Variants in CHD7 observed in about 807,000 individuals in gnomAD.
CHD7 encodes ATP-dependent chromatin remodeler CHD7.
In CHD7, 24 loss-of-function variants were observed where a neutral mutation model predicts 307.3. That is an observed-to-expected ratio of 0.08 (90% CI 0.06 to 0.11). CHD7 has a LOEUF of 0.11. Ranked by LOEUF, CHD7 falls within the 10% of genes least tolerant of loss-of-function variation. The probability of loss-of-function intolerance (pLI) is 1.00; values close to 1 mark genes in which losing one functional copy is unlikely to be tolerated. For synonymous variants in CHD7, 1,363 were observed against 1,349.9 expected (o/e 1.01, Z -0.21); for missense variants, 3,106 against 3,727.1 (o/e 0.83, Z 4.34).
intron 2 of CHD7, among the ~76,000 whole-genome samples, chr8:60,769,707 T>C (rs1239156246): frequency 2.6e-5 from 4 of 152,218 alleles, no homozygotes; most frequent in Non-Finnish European, 5.9e-5. Context: ...GATGGTGAAT[T>C]TTTACTAGTC....
intron 13 of CHD7, among the ~76,000 whole-genome samples, chr8:60,825,618 A>G (rs750917262): frequency 3.9e-4 from 59 of 152,234 alleles, no homozygotes; most frequent in Non-Finnish European, 7.3e-4. Context: ...TAACCTAAAT[A>G]TATATTCTCA....
At chr8:60,780,700 T>G (rs1236686093) in intron 2 of CHD7, among the ~76,000 whole-genome samples, 1 of 152,250 alleles carries the variant, frequency 6.6e-6, no homozygotes, top group African/African-American at 2.4e-5. Flanking sequence ...CATTTTCATG[T>G]AGGCTGTTTA....
At chr8:60,679,684 G>C (rs1326177650) in intron 1 of CHD7, 4 of 146,918 alleles carry the variant, frequency 2.7e-5, no homozygotes, top group Admixed American at 6.7e-5. Context: ...CCCCGCTCCG[G>C]ACCGACCACG....
intron 23 of CHD7, among the ~76,000 whole-genome samples, chr8:60,847,863 T>G (rs546457249): frequency 1.2e-4 from 18 of 152,178 alleles, no homozygotes; most frequent in Non-Finnish European, 2.5e-4. Context: ...CTACTACAGC[T>G]TAGGTTCCCA....
chr8:60,813,066 C>T (rs1268917585), intron 7 of CHD7, among the ~76,000 whole-genome samples: 3 of 152,114 alleles, frequency 2.0e-5, no homozygotes, highest in Non-Finnish European at 2.9e-5. Flanking sequence ...TGGTCCAGTT[C>T]TACTTTTGTG....
At chr8:60,768,821 G>T (rs558598329) in intron 2 of CHD7, among the ~76,000 whole-genome samples, 3 of 108,462 alleles carry the variant, frequency 2.8e-5, no homozygotes, top group Non-Finnish European at 5.7e-5. Flanking sequence ...GAATAATAAC[G>T]TTAAGCTACC....
chr8:60,696,486 A>G (rs1283762337), intron 1 of CHD7, among the ~76,000 whole-genome samples: 1 of 152,242 alleles, frequency 6.6e-6, no homozygotes, highest in African/African-American at 2.4e-5. Context: ...CAGCTGTGAC[A>G]TGGGAGCAGT....
chr8:60,845,470 A>G (rs937757143), intron 23 of CHD7, 61 bp downstream of exon 23: 5 of 1,539,704 alleles, frequency 3.2e-6, no homozygotes, highest in South Asian at 1.2e-5. Flanking sequence ...TAAAAAATAC[A>G]TGCAGCCGGC....
At chr8:60,789,361 A>T (rs1563602103) in intron 3 of CHD7, among the ~76,000 whole-genome samples, 1 of 152,360 alleles carries the variant, frequency 6.6e-6, no homozygotes, top group African/African-American at 2.4e-5. Context: ...TCTTTAAAAG[A>T]TTATAATGTA....
Position 60,856,030 on chromosome 8 carries a change from A to C in CHD7, c.6992A>C (p.Lys2331Thr). The change falls in exon 33 of 38, where the codon AAA becomes ACA. Residue 2331 changes from lysine to threonine, a missense_variant. Transcript: ENST00000423902. ...DNICEAVLKG[K>T]WPVNRRQMFD... ...ATCTGTGAAGCAGTGTTGAAAGGCA[A>C]ATGGCCAGTAAATAGGCGCCAGATG... 6.2e-7 allele frequency: 1 copy of C among 1,611,660 alleles called. No homozygotes were observed. Among genetic ancestry groups the C allele is most frequent in the Non-Finnish European group, 8.5e-7 (1 of 1,178,840 alleles).
At chr8:60,842,195 C>T in intron 21 of CHD7, 143 bp downstream of exon 21, 1 of 710,050 alleles carries the variant, frequency 1.4e-6, no homozygotes, top group Non-Finnish European at 2.3e-6. Context: ...AGTAACTTTA[C>T]AGGGCTTTGA....
chr8:60,694,329 A>C (rs1402960918), intron 1 of CHD7, among the ~76,000 whole-genome samples: 3 of 152,258 alleles, frequency 2.0e-5, no homozygotes, highest in Non-Finnish European at 4.4e-5. Flanking sequence ...ATGTGAGATT[A>C]TGGCTTTGCT....
chr8:60,794,478 T>A (rs1391481714), intron 3 of CHD7, among the ~76,000 whole-genome samples: 4 of 152,230 alleles, frequency 2.6e-5, no homozygotes, highest in African/African-American at 9.6e-5. Context: ...GAAATTGCTA[T>A]GTATTTTTAT....
intron 15 of CHD7, among the ~76,000 whole-genome samples, chr8:60,831,212 A>G (rs1240548239): frequency 6.6e-6 from 1 of 152,196 alleles, no homozygotes; most frequent in Non-Finnish European, 1.5e-5. Flanking sequence ...GATACTCTGG[A>G]GAATGCAAAG....
At chr8:60,829,269 C>G (rs1040237987) in intron 14 of CHD7, among the ~76,000 whole-genome samples, 3 of 152,210 alleles carry the variant, frequency 2.0e-5, no homozygotes, top group Non-Finnish European at 2.9e-5. Flanking sequence ...AACCACTGCA[C>G]AGTATTTCTG....
intron 3 of CHD7, among the ~76,000 whole-genome samples, chr8:60,791,196 G>A (rs1811756109): frequency 6.6e-6 from 1 of 152,158 alleles, no homozygotes; most frequent in African/African-American, 2.4e-5. Flanking sequence ...ATGCTGAGGT[G>A]GGAAATACAG....
At chr8:60,802,143 A>C (rs987286237) in intron 6 of CHD7, among the ~76,000 whole-genome samples, 1 of 152,216 alleles carries the variant, frequency 6.6e-6, no homozygotes, top group Non-Finnish European at 1.5e-5. Flanking sequence ...GAGTTATTCA[A>C]AGTTTCTGTT....
At position 60,862,721 on chromosome 8, in the gene CHD7, T is replaced by G. The variant is rs1806057949; in HGVS notation, c.8076+69T>G. The G allele has an allele frequency of 2.8e-6, 3 of 1,056,860 alleles. No homozygotes were observed. The Admixed American group carries it at 6.2e-5, about 22-fold the overall frequency. 65.5% of individuals were successfully genotyped at this position (1,056,860 alleles called of 1,614,324 possible). On this transcript the variant is annotated intron_variant, in intron 37 of 37. Coordinates refer to ENST00000423902, the MANE Select transcript of CHD7 (RefSeq NM_017780.4). Reference sequence around the variant, plus strand: ...AACTGTTTTCCTTAGTCTTTCTTATTTTCTGTTGGCCATTAATTATTCAGT... The same window carrying G: ...AACTGTTTTCCTTAGTCTTTCTTATGTTCTGTTGGCCATTAATTATTCAGT...
In CHD7 at chr8:60,740,951, G is replaced by A. The variant is rs74350073; in HGVS notation, c.-174-308G>A. 0.011 allele frequency among the ~76,000 whole-genome samples: 1,723 copies of A among 152,304 alleles called. 27 individuals are homozygous for A. Among genetic ancestry groups the A allele is most frequent in the Non-Finnish European group, 0.02 (1,330 of 68,018 alleles). Reference sequence around the variant, plus strand: ...GCTGTGGCAGCTGCTGCTGCTTCACGTTGTGTTCTTTTGTTCTGTTTCATC... The same window carrying A: ...GCTGTGGCAGCTGCTGCTGCTTCACATTGTGTTCTTTTGTTCTGTTTCATC... On this transcript the variant is annotated intron_variant, in intron 1 of 37. Coordinates refer to ENST00000423902, the MANE Select transcript of CHD7 (RefSeq NM_017780.4).
Sources: allele counts gnomAD v4.1 joint callset (sites outside exome capture counted in the v4.1 genomes callset), GRCh38; gene constraint gnomAD v4.1.1; transcripts MANE v1.5; gene names NCBI Gene and HGNC (gene_info 2026-07-23, HGNC 2026-07-21).